Variants in RANBP2 observed in about 807,000 individuals in gnomAD.
RANBP2 encodes RAN binding protein 2.
A neutral mutation model predicts 303.6 loss-of-function variants in RANBP2; 57 were observed. That is an observed-to-expected ratio of 0.19 (90% CI 0.15 to 0.23). The LOEUF is 0.23. Among genes scored for constraint, RANBP2 ranks in the 10% least tolerant of loss-of-function variants. The probability of loss-of-function intolerance (pLI) is 1.00; values close to 1 mark genes in which losing one functional copy is unlikely to be tolerated. For missense variants in RANBP2, 3,138 were observed against 3,780.8 expected (o/e 0.83, Z 4.46); for synonymous variants, 1,167 against 1,301.5 (o/e 0.90, Z 2.23).
the RANBP2 span, among the ~76,000 whole-genome samples, chr2:109,004,415 C>A: frequency 1.3e-5 from 2 of 152,206 alleles, no homozygotes; most frequent in Admixed American, 6.5e-5. Context: ...CATCCTCAGA[C>A]TGTATGCCAC....
chr2:109,499,734 A>T, the RANBP2 span, among the ~76,000 whole-genome samples: 1 of 152,098 alleles, frequency 6.6e-6, no homozygotes, highest in Non-Finnish European at 1.5e-5. Flanking sequence ...GGCTTGCAGG[A>T]TGGGTGTGGG....
At chr2:109,118,098 C>T in the RANBP2 span, among the ~76,000 whole-genome samples, 1 of 152,226 alleles carries the variant, frequency 6.6e-6, no homozygotes, top group Non-Finnish European at 1.5e-5. Context: ...CAAAGGCCTT[C>T]TGCGGACCCT....
the RANBP2 span, among the ~76,000 whole-genome samples, chr2:109,510,586 G>A: frequency 6.6e-6 from 1 of 152,154 alleles, no homozygotes; most frequent in Non-Finnish European, 1.5e-5. Flanking sequence ...GCAGCCCAGA[G>A]GGCTGATGGG....
the RANBP2 span, among the ~76,000 whole-genome samples, chr2:109,605,963 CATT>C: frequency 6.6e-6 from 1 of 152,176 alleles, no homozygotes; most frequent in African/African-American, 2.4e-5. Context: ...AATGCTGCAT[CATT>C]AAGAACTGCC....
At chr2:109,454,923 A>G in the RANBP2 span, among the ~76,000 whole-genome samples, 1 of 147,488 alleles carries the variant, frequency 6.8e-6, no homozygotes, top group Admixed American at 6.7e-5. Context: ...TATGGGCCAG[A>G]AAAAAAAAAA....
the RANBP2 span, among the ~76,000 whole-genome samples, chr2:109,258,498 A>G: frequency 1.3e-5 from 2 of 152,152 alleles, no homozygotes; most frequent in African/African-American, 4.8e-5. Flanking sequence ...CAATCCAATC[A>G]TGTAGGCTGG....
the RANBP2 span, among the ~76,000 whole-genome samples, chr2:109,172,576 T>G: frequency 6.6e-6 from 1 of 152,218 alleles, no homozygotes; most frequent in African/African-American, 2.4e-5. Flanking sequence ...TGTGGATTAT[T>G]GGGCTGCACC....
At chr2:109,663,380 AT>A in the RANBP2 span, among the ~76,000 whole-genome samples, 4 of 152,162 alleles carry the variant, frequency 2.6e-5, no homozygotes, top group African/African-American at 9.7e-5. Context: ...TCATTTGTGC[AT>A]TCATTTCAGC....
chr2:109,354,038 G>A, the RANBP2 span, among the ~76,000 whole-genome samples: 1 of 152,224 alleles, frequency 6.6e-6, no homozygotes, highest in Non-Finnish European at 1.5e-5. Flanking sequence ...CGCTAGGTGG[G>A]GGAGCTGATG....
chr2:108,765,075 T>A lies in RANBP2; in HGVS notation c.4536T>A (p.Ala1512=). ...CQNPRKQSLP[A]TSIPTPASFK... The stretch of plus-strand genomic sequence containing the variant: ...ATCCGAGAAAACAGAGTCTACCTGC[T>A]ACTTCTATTCCAACACCTGCCTCTT... Residue 1512 remains alanine, a synonymous_variant, in exon 20 of 29, where the codon GCT becomes GCA. Transcript: ENST00000283195. 3 of 1,614,064 alleles carry A rather than the reference T, an allele frequency of 1.9e-6. No individual in the cohort carries two copies. The highest frequency in any genetic ancestry group is 2.5e-6 in the Non-Finnish European group (3 of 1,179,968).
chr2:109,419,667 G>A, the RANBP2 span: 1 of 1,550,688 alleles, frequency 6.4e-7, no homozygotes, highest in African/African-American at 1.4e-5. Flanking sequence ...GTGTCTGTCG[G>A]GGTCCTGTGC....
the RANBP2 span, among the ~76,000 whole-genome samples, chr2:108,858,906 T>C: frequency 6.6e-6 from 1 of 152,162 alleles, no homozygotes; most frequent in Non-Finnish European, 1.5e-5. Flanking sequence ...ACATTTTCTT[T>C]ATCTGATCCA....
the RANBP2 span, among the ~76,000 whole-genome samples, chr2:108,825,151 G>A: frequency 6.6e-6 from 1 of 152,124 alleles, no homozygotes; most frequent in African/African-American, 2.4e-5. Flanking sequence ...CAAGTTAATA[G>A]CGTAAATAAT....
At chr2:108,875,314 TATA>T in the RANBP2 span, among the ~76,000 whole-genome samples, 172 of 27,928 alleles carry the variant, frequency 6.2e-3, 10 homozygotes, top group African/African-American at 0.024. Flanking sequence ...AAACTTAAAG[TATA>T]ATAAAAAAAA....
the RANBP2 span, among the ~76,000 whole-genome samples, chr2:109,403,604 C>G: frequency 6.6e-6 from 1 of 152,214 alleles, no homozygotes; most frequent in Non-Finnish European, 1.5e-5. Flanking sequence ...GCCAGCAGGT[C>G]CCTGCGGTGC....
the RANBP2 span, among the ~76,000 whole-genome samples, chr2:108,988,643 C>T: frequency 6.6e-6 from 1 of 152,200 alleles, no homozygotes; most frequent in Non-Finnish European, 1.5e-5. Context: ...ACATACTTTT[C>T]ACGCTCCCTG....
chr2:109,116,237 G>A, the RANBP2 span, among the ~76,000 whole-genome samples: 1 of 152,182 alleles, frequency 6.6e-6, no homozygotes, highest in African/African-American at 2.4e-5. Context: ...TTCCAACTTG[G>A]TTCCATTCTC....
At chr2:108,861,816 C>T in the RANBP2 span, among the ~76,000 whole-genome samples, 2 of 151,864 alleles carry the variant, frequency 1.3e-5, no homozygotes, top group African/African-American at 4.8e-5. Flanking sequence ...GGATTACAGG[C>T]GTGAGCCACC....
the RANBP2 span, among the ~76,000 whole-genome samples, chr2:109,323,182 G>A: frequency 6.6e-6 from 1 of 152,216 alleles, no homozygotes; most frequent in Non-Finnish European, 1.5e-5. Flanking sequence ...AAGGGGAGGT[G>A]TGTATTTCTA....
Sources: allele counts gnomAD v4.1 joint callset (sites outside exome capture counted in the v4.1 genomes callset), GRCh38; gene constraint gnomAD v4.1.1; transcripts MANE v1.5; gene names NCBI Gene and HGNC (gene_info 2026-07-23, HGNC 2026-07-21).